PDE1A: variants seen among roughly 807,000 people sequenced by gnomAD.
PDE1A encodes phosphodiesterase 1A.
A neutral mutation model predicts 61.7 loss-of-function variants in PDE1A; 35 were observed. The ratio of observed to expected loss-of-function variants is 0.57; its 90% CI spans 0.43 to 0.75. The LOEUF (loss-of-function observed/expected upper bound fraction) is 0.75. Among genes scored for constraint, PDE1A ranks in the 30% least tolerant of loss-of-function variants. PDE1A has a pLI of 0.00. For missense variants in PDE1A, 597 were observed against 630.6 expected (o/e 0.95, Z 0.57); for synonymous variants, 232 against 213.2 (o/e 1.09, Z -0.77).
intron 1 of PDE1A, among the ~76,000 whole-genome samples, chr2:182,353,903 A>G (rs1398341062): frequency 6.6e-6 from 1 of 152,110 alleles, no homozygotes; most frequent in African/African-American, 2.4e-5. Context: ...GTATATAGAA[A>G]CCTGCATTTC....
intron 7 of PDE1A, among the ~76,000 whole-genome samples, chr2:182,207,957 G>C (rs1481166972): frequency 6.6e-6 from 1 of 152,240 alleles, no homozygotes; most frequent in Non-Finnish European, 1.5e-5. Flanking sequence ...TATTAGGCCT[G>C]TAGGTATGCA....
chr2:182,337,215 GA>G (rs1175329857), intron 1 of PDE1A, among the ~76,000 whole-genome samples: 1 of 151,844 alleles, frequency 6.6e-6, no homozygotes, highest in Non-Finnish European at 1.5e-5. Context: ...GATTTGAACA[GA>G]AAAAGATGGA....
chr2:182,319,901 T>C (rs1213149746), intron 1 of PDE1A, among the ~76,000 whole-genome samples: 1 of 152,224 alleles, frequency 6.6e-6, no homozygotes, highest in Non-Finnish European at 1.5e-5. Context: ...TCTAAGACTA[T>C]GATAAATCAA....
intron 1 of PDE1A, among the ~76,000 whole-genome samples, chr2:182,361,738 A>C (rs1699524179): frequency 6.6e-6 from 1 of 152,040 alleles, no homozygotes; most frequent in South Asian, 2.1e-4. Flanking sequence ...TTTAATAGGA[A>C]AATGTTTAAG....
chr2:182,519,815 T>C (rs1279348042), intron 2 of PDE1A, among the ~76,000 whole-genome samples: 1 of 151,908 alleles, frequency 6.6e-6, no homozygotes, highest in African/African-American at 2.4e-5. Context: ...ATAAACATTA[T>C]TTTACTTTCA....
chr2:182,388,251 C>T (rs894162372), intron 1 of PDE1A, among the ~76,000 whole-genome samples: 4 of 152,106 alleles, frequency 2.6e-5, no homozygotes. Context: ...ATCAACACTC[C>T]ACTTTCAGCA....
chr2:182,158,734 G>A (rs1691226871), intron 13 of PDE1A, among the ~76,000 whole-genome samples: 1 of 152,278 alleles, frequency 6.6e-6, no homozygotes, highest in South Asian at 2.1e-4. Context: ...ATGTTTTGAA[G>A]ATGACACTGT....
the PDE1A span, among the ~76,000 whole-genome samples, chr2:182,563,695 C>G: frequency 2.0e-5 from 3 of 152,206 alleles, no homozygotes; most frequent in East Asian, 1.9e-4. Context: ...GAGTCTAAGT[C>G]TCTTTGTAGG....
chr2:182,683,497 A>C, the PDE1A span, among the ~76,000 whole-genome samples: 1 of 152,190 alleles, frequency 6.6e-6, no homozygotes, highest in Non-Finnish European at 1.5e-5. Flanking sequence ...CAAAGGTAAA[A>C]AATGAAACTA....
the PDE1A span, among the ~76,000 whole-genome samples, chr2:182,626,729 A>G: frequency 3.9e-3 from 21 of 5,444 alleles, 1 homozygote; most frequent in Non-Finnish European, 8.0e-3. Context: ...ATATATATAT[A>G]TATATATACA....
At chr2:182,170,162 G>A (rs1479287547) in intron 13 of PDE1A, among the ~76,000 whole-genome samples, 1 of 151,928 alleles carries the variant, frequency 6.6e-6, no homozygotes, top group Non-Finnish European at 1.5e-5. Flanking sequence ...TTGAATTTGG[G>A]CAAAATAGAT....
the PDE1A span, among the ~76,000 whole-genome samples, chr2:182,560,102 G>C: frequency 2.0e-4 from 30 of 149,984 alleles, no homozygotes; most frequent in African/African-American, 5.6e-4. Context: ...TAGGGTACAT[G>C]TGCACAATGT....
At chr2:182,553,654 A>C in the PDE1A span, among the ~76,000 whole-genome samples, 1 of 152,228 alleles carries the variant, frequency 6.6e-6, no homozygotes, top group Non-Finnish European at 1.5e-5. Context: ...AATGCACTGG[A>C]GGAATTGTGA....
chr2:182,571,786 C>G, the PDE1A span, among the ~76,000 whole-genome samples: 2 of 152,060 alleles, frequency 1.3e-5, no homozygotes, highest in Admixed American at 1.3e-4. Flanking sequence ...GGTGTAGTAG[C>G]AACTTTTCAA....
chr2:182,431,505 G>A (rs958396993), upstream of PDE1A, among the ~76,000 whole-genome samples: 6 of 152,062 alleles, frequency 3.9e-5, no homozygotes, highest in East Asian at 7.7e-4. Context: ...TAACTTTACC[G>A]CTTTACCTCT....
At chr2:182,507,052 T>C (rs773193706) in intron 2 of PDE1A, among the ~76,000 whole-genome samples, 1 of 152,324 alleles carries the variant, frequency 6.6e-6, no homozygotes, top group East Asian at 1.9e-4. Flanking sequence ...GTGAAAATAA[T>C]ATGTAGATGA....
chr2:182,469,085 G>A (rs1686861722), intron 2 of PDE1A, among the ~76,000 whole-genome samples: 1 of 151,906 alleles, frequency 6.6e-6, no homozygotes, highest in African/African-American at 2.4e-5. Context: ...AATGAGCACT[G>A]GCTCTAACTT....
At chr2:182,261,173 C>T (rs13406342) in intron 2 of PDE1A, among the ~76,000 whole-genome samples, 7,239 of 152,148 alleles carry the variant, frequency 0.048, 531 homozygotes, top group African/African-American at 0.16. Context: ...TCACTAAAAA[C>T]CATTCTGTTT....
the PDE1A span, among the ~76,000 whole-genome samples, chr2:182,671,077 C>A: frequency 6.6e-6 from 1 of 152,142 alleles, no homozygotes; most frequent in Non-Finnish European, 1.5e-5. Flanking sequence ...CTTGGCCTCC[C>A]AAAGTGCTGG....
Sources: allele counts gnomAD v4.1 joint callset (sites outside exome capture counted in the v4.1 genomes callset), GRCh38; gene constraint gnomAD v4.1.1; transcripts MANE v1.5; gene names NCBI Gene and HGNC (gene_info 2026-07-23, HGNC 2026-07-21).